Variants in PHF21B observed in about 807,000 individuals in gnomAD.
PHF21B encodes the protein PHD finger protein 21B.
Under a neutral mutation model 62.2 loss-of-function variants are expected in PHF21B, and 22 were observed. The observed-to-expected ratio is 0.35, with a 90% confidence interval of 0.25 to 0.51. The LOEUF (loss-of-function observed/expected upper bound fraction) is 0.51, where lower values mean the gene tolerates loss of function less well. Ranked by LOEUF, PHF21B falls within the 20% of genes least tolerant of loss-of-function variation. The pLI, the probability that PHF21B is intolerant of heterozygous loss-of-function variation, is 0.97. For synonymous variants in PHF21B, 341 were observed against 314.7 expected (o/e 1.08, Z -0.88); for missense variants, 701 against 707.9 (o/e 0.99, Z 0.11).
At chr22:44,944,656 T>C (rs1210404402) in intron 2 of PHF21B, among the ~76,000 whole-genome samples, 1 of 152,172 alleles carries the variant, frequency 6.6e-6, no homozygotes, top group Non-Finnish European at 1.5e-5. Context: ...TCCTGGTTCC[T>C]CTATCTGCTA....
chr22:44,930,776 T>A (rs993596173), intron 2 of PHF21B, among the ~76,000 whole-genome samples: 1 of 29,124 alleles, frequency 3.4e-5, no homozygotes, highest in East Asian at 1.1e-3. Context: ...CAGGATAGGT[T>A]GCTGGCCAAG....
intron 2 of PHF21B, among the ~76,000 whole-genome samples, chr22:44,942,902 G>T (rs1415833256): frequency 6.6e-6 from 1 of 152,096 alleles, no homozygotes; most frequent in African/African-American, 2.4e-5. Flanking sequence ...GGGGGCCAGG[G>T]TGAAGCGTGT....
chr22:44,965,543 G>C (rs1601653885), intron 2 of PHF21B, among the ~76,000 whole-genome samples: 1 of 151,930 alleles, frequency 6.6e-6, no homozygotes, highest in Non-Finnish European at 1.5e-5. Context: ...TCTTGGCTGA[G>C]GGGTTTCCCT....
chr22:44,963,670 TGTACGCTCCCAGGGGCC>T (rs2072468948), intron 2 of PHF21B, among the ~76,000 whole-genome samples: 1 of 152,240 alleles, frequency 6.6e-6, no homozygotes, highest in South Asian at 2.1e-4. Flanking sequence ...CTTCCCTGGC[TGTACGCTCCCAGGGGCC>T]ATGTGGGGCT....
At chr22:44,889,535 T>C (rs2081288292) in intron 9 of PHF21B, among the ~76,000 whole-genome samples, 1 of 152,136 alleles carries the variant, frequency 6.6e-6, no homozygotes, top group Non-Finnish European at 1.5e-5. Context: ...GGCTCCTGTT[T>C]GAAGCTGAGA....
At chr22:44,968,663 A>G (rs940539143) in intron 2 of PHF21B, among the ~76,000 whole-genome samples, 1 of 146,212 alleles carries the variant, frequency 6.8e-6, no homozygotes, top group South Asian at 2.1e-4. Flanking sequence ...AAAAAAAAAA[A>G]ATACCTGGGA....
At chr22:44,952,983 T>C (rs541261771) in intron 2 of PHF21B, among the ~76,000 whole-genome samples, 1 of 150,950 alleles carries the variant, frequency 6.6e-6, no homozygotes, top group Admixed American at 6.6e-5. Flanking sequence ...CTCCTCCCCA[T>C]TCCGCAGACC....
At chr22:44,933,216 A>G (rs1337582034) in intron 2 of PHF21B, among the ~76,000 whole-genome samples, 1 of 151,066 alleles carries the variant, frequency 6.6e-6, no homozygotes, top group African/African-American at 2.4e-5. Context: ...GGTTCAAGCG[A>G]TTCTCCTGCC....
intron 2 of PHF21B, among the ~76,000 whole-genome samples, chr22:44,955,008 G>A (rs1197114553): frequency 6.6e-6 from 1 of 152,190 alleles, no homozygotes; most frequent in African/African-American, 2.4e-5. Flanking sequence ...TTCCAGCCCA[G>A]AAGCCATGAT....
chr22:44,933,063 T>C lies in PHF21B; in HGVS notation c.121-12573A>G, dbSNP rs537141094. On this transcript the variant is annotated intron_variant, in intron 2 of 12. Coordinates refer to ENST00000313237, the MANE Select transcript of PHF21B (RefSeq NM_138415.5). The stretch of plus-strand genomic sequence containing the variant: ...CCTCGGGGACAGACTTCTGGTTGGA[T>C]TGGCAAATGCTCCCGCCCCGCTGTG... Among the ~76,000 whole-genome samples, 33 of 151,928 alleles carry C rather than the reference T, an allele frequency of 2.2e-4. 1 individual carries two copies. Among genetic ancestry groups the C allele is most frequent in the African/African-American group, 6.8e-4 (28 of 41,414 alleles).
At chr22:44,950,466 G>A (rs552799195) in intron 2 of PHF21B, among the ~76,000 whole-genome samples, 16 of 152,352 alleles carry the variant, frequency 1.1e-4, no homozygotes, top group African/African-American at 3.6e-4. Flanking sequence ...AACAGTAAAG[G>A]GATTCCTAGC....
intron 2 of PHF21B, among the ~76,000 whole-genome samples, chr22:44,946,116 G>A (rs1025031982): frequency 6.6e-6 from 1 of 152,182 alleles, no homozygotes. Context: ...GGAAGCATGG[G>A]GGCTGGGAGG....
chr22:45,005,530 G>T (rs2073300099), intron 2 of PHF21B, among the ~76,000 whole-genome samples: 1 of 152,180 alleles, frequency 6.6e-6, no homozygotes, highest in South Asian at 2.1e-4. Context: ...ACCACTATGA[G>T]TCCTTTAAAC....
intron 2 of PHF21B, among the ~76,000 whole-genome samples, chr22:44,945,677 G>A (rs1018398027): frequency 1.3e-5 from 2 of 149,410 alleles, no homozygotes; most frequent in Non-Finnish European, 3.0e-5. Flanking sequence ...CCATCTTCCA[G>A]CACCTGACCA....
chr22:44,975,090 G>A (rs561249333), intron 2 of PHF21B, among the ~76,000 whole-genome samples: 31 of 152,192 alleles, frequency 2.0e-4, no homozygotes, highest in African/African-American at 7.2e-4. Flanking sequence ...CTCTCCACCT[G>A]CTCCCCAATC....
intron 2 of PHF21B, among the ~76,000 whole-genome samples, chr22:44,947,788 G>A (rs1296594689): frequency 1.3e-5 from 2 of 152,160 alleles, no homozygotes; most frequent in Admixed American, 6.5e-5. Context: ...CGGAAGCTCA[G>A]ATATGTTTCA....
At chr22:44,957,991 C>A (rs150005043) in intron 2 of PHF21B, among the ~76,000 whole-genome samples, 2,973 of 151,854 alleles carry the variant, frequency 0.02, 89 homozygotes, top group African/African-American at 0.067. Flanking sequence ...CAACCTCCAC[C>A]TCCCAGGTTC....
At chr22:44,919,079 A>G (rs1482940529) in intron 3 of PHF21B, among the ~76,000 whole-genome samples, 1 of 151,646 alleles carries the variant, frequency 6.6e-6, no homozygotes, top group African/African-American at 2.4e-5. Context: ...GCCTAACTCT[A>G]CCTCAGCCTG....
intron 2 of PHF21B, among the ~76,000 whole-genome samples, chr22:44,927,285 C>G (rs567737560): frequency 1.3e-5 from 2 of 152,114 alleles, no homozygotes; most frequent in East Asian, 1.9e-4. Flanking sequence ...GCGTGTCCCC[C>G]CAAAACTCCA....
Sources: allele counts gnomAD v4.1 joint callset (sites outside exome capture counted in the v4.1 genomes callset), GRCh38; gene constraint gnomAD v4.1.1; transcripts MANE v1.5; gene names NCBI Gene and HGNC (gene_info 2026-07-23, HGNC 2026-07-21).